Variants in WDR7 observed in about 807,000 individuals in gnomAD.
WDR7 encodes WD repeat-containing protein 7.
Under a neutral mutation model 169.4 loss-of-function variants are expected in WDR7, and 46 were observed. The observed-to-expected ratio is 0.27, with a 90% CI of 0.21 to 0.35. WDR7 has a LOEUF of 0.35. WDR7 is among the 10% of genes least tolerant of loss of function. The pLI is 1.00. For missense variants in WDR7, 1,534 were observed against 1,859.3 expected, an observed-to-expected ratio of 0.83 and a Z score of 3.22; for synonymous variants, 612 against 666.8, an observed-to-expected ratio of 0.92 and a Z score of 1.27.
At chr18:57,030,179 T>C (rs556158035), downstream of WDR7, 2 of 152,314 alleles carry the variant, frequency 1.3e-5, no homozygotes, top group Non-Finnish European at 2.9e-5. Flanking sequence ...GGAGTCGAAT[T>C]TGAATCCCTC....
At position 56,830,593 on chromosome 18, in the gene WDR7, TA is replaced by T. The variant is rs2045291938; in HGVS notation, c.3304+14450del. On this transcript the variant is annotated intron_variant, in intron 20 of 27. Transcript: ENST00000254442. ...TAGATCACCTCTGGGCGCTGCACTA[TA>T]CATCTTCGATACTTGTGATACTAAG... 2.0e-5 allele frequency among the ~76,000 whole-genome samples: 3 copies of T among 152,228 alleles called. No homozygotes were observed. In the South Asian group the frequency reaches 6.2e-4, roughly 31 times the overall value.
chr18:56,834,138 A>G (rs1482750362), intron 20 of WDR7, among the ~76,000 whole-genome samples: 1 of 152,202 alleles, frequency 6.6e-6, no homozygotes, highest in Non-Finnish European at 1.5e-5. Context: ...CCCTATCCAT[A>G]GGCATTTCCC....
intron 13 of WDR7, among the ~76,000 whole-genome samples, chr18:56,724,160 A>ATT (rs112652896): frequency 1.1e-5 from 1 of 91,152 alleles, no homozygotes; most frequent in Non-Finnish European, 2.6e-5. Context: ...TCTTGATTTG[A>ATT]TTTTTTTTTT....
At chr18:56,780,072 G>A (rs72916618) in intron 18 of WDR7, among the ~76,000 whole-genome samples, 22,447 of 152,004 alleles carry the variant, frequency 0.15, 2,138 homozygotes, top group Non-Finnish European at 0.2. Context: ...TATAAAGTGG[G>A]GATAATAATA....
At chr18:56,910,302 G>A (rs897089448) in intron 21 of WDR7, among the ~76,000 whole-genome samples, 5 of 152,136 alleles carry the variant, frequency 3.3e-5, no homozygotes, top group Admixed American at 3.3e-4. Flanking sequence ...ATATATGTTA[G>A]TAGCTTCTAT....
chr18:56,885,765 C>T lies in WDR7; in HGVS notation c.3526+5600C>T, dbSNP rs572617629. On this transcript the variant is annotated intron_variant, in intron 21 of 27. Transcript: ENST00000254442. Reference sequence around the variant, plus strand: ...TGGCATGAACCCAGGAGGCGGAGTTCGCAGTGAGCCGAGATCACGCCACTG... The same window carrying T: ...TGGCATGAACCCAGGAGGCGGAGTTTGCAGTGAGCCGAGATCACGCCACTG... Among the ~76,000 whole-genome samples the T allele has an allele frequency of 1.2e-4, 18 of 150,058 alleles. 1 individual carries two copies. In the South Asian group the frequency reaches 3.4e-3, roughly 28 times the overall value.
At chr18:56,816,222 G>A in intron 20 of WDR7, 78 bp downstream of exon 20, 1 of 1,289,100 alleles carries the variant, frequency 7.8e-7, no homozygotes, top group Non-Finnish European at 1.1e-6. Context: ...TTTGTGGTGG[G>A]ATTAAGTATT....
rs537411345 is a variant in WDR7 at position 56,776,991 on chromosome 18, A to G, written c.2947+111A>G. On this transcript the variant is annotated intron_variant, in intron 17 of 27. Transcript: ENST00000254442. ...TCTGCTTTGTTATGTATGAGATTCT[A>G]AAGTTCCCATTTTATGACTTTATTT... 1.2e-4 allele frequency: 128 copies of G among 1,037,996 alleles called. No individual in the cohort carries two copies. The South Asian group carries it at 1.3e-3, about 10-fold the overall frequency. 64.3% of individuals were successfully genotyped at this position (1,037,996 alleles called of 1,614,324 possible). A position where few individuals can be genotyped will look rare whatever the true frequency, so the allele number is the denominator to read the frequency against.
chr18:56,966,131 G>A (rs2047405156), intron 26 of WDR7, among the ~76,000 whole-genome samples: 2 of 152,144 alleles, frequency 1.3e-5, no homozygotes, highest in African/African-American at 4.8e-5. Flanking sequence ...GTGAGGGAGA[G>A]ACTCCAGCTC....
rs1185387727 is a variant in WDR7 at position 56,691,315 on chromosome 18, A to AT, written c.820dup (p.Trp274LeufsTer20). 1 of 1,602,628 alleles carries AT rather than the reference A, an allele frequency of 6.2e-7. No individual in the cohort carries two copies. Among genetic ancestry groups the AT allele is most frequent in the Non-Finnish European group, 8.5e-7 (1 of 1,177,772 alleles). On this transcript the variant is annotated frameshift_variant, in exon 8 of 28. Transcript: ENST00000254442. LOFTEE classifies it high-confidence loss of function. ...CTTTGTCTCATCAGATAAAGTCATC[A>AT]TTTGGACAGAAAATGGGCAAAGTTA...
chr18:56,830,623 G>A (rs971544818), intron 20 of WDR7, among the ~76,000 whole-genome samples: 2 of 152,224 alleles, frequency 1.3e-5, no homozygotes, highest in African/African-American at 2.4e-5. Flanking sequence ...TACTAAGGGT[G>A]TCTGACTCAC....
chr18:56,761,285 CA>C (rs1212835421), intron 16 of WDR7, among the ~76,000 whole-genome samples: 2 of 152,188 alleles, frequency 1.3e-5, no homozygotes, highest in Non-Finnish European at 2.9e-5. Flanking sequence ...GCTGGAATTA[CA>C]GGCATCAACC....
At chr18:56,963,803 G>A (rs1409422516) in intron 26 of WDR7, among the ~76,000 whole-genome samples, 2 of 151,980 alleles carry the variant, frequency 1.3e-5, no homozygotes, top group African/African-American at 2.4e-5. Flanking sequence ...TTATTTATAA[G>A]ATCCTTTCAT....
At chr18:56,780,529 A>C (rs1313217527) in intron 18 of WDR7, among the ~76,000 whole-genome samples, 1 of 152,146 alleles carries the variant, frequency 6.6e-6, no homozygotes, top group Non-Finnish European at 1.5e-5. Context: ...AATTATAAAG[A>C]GTTAATAGGC....
chr18:56,885,848 A>G (rs919163448), intron 21 of WDR7, among the ~76,000 whole-genome samples: 4 of 151,672 alleles, frequency 2.6e-5, no homozygotes, highest in African/African-American at 9.7e-5. Flanking sequence ...AAAACAAAAA[A>G]CTTCAGAACT....
intron 23 of WDR7, among the ~76,000 whole-genome samples, chr18:56,937,309 T>C (rs2046973724): frequency 6.6e-6 from 1 of 152,114 alleles, no homozygotes; most frequent in African/African-American, 2.4e-5. Context: ...GGAGGATGGC[T>C]TAAGCCTAGG....
At chr18:57,009,739 T>C (rs2048112153) in intron 26 of WDR7, 2 of 618,554 alleles carry the variant, frequency 3.2e-6, no homozygotes, top group Non-Finnish European at 4.0e-6. Flanking sequence ...CATTTCTCTT[T>C]TCAGAATGGT....
At chr18:56,925,728 A>G (rs1466322189) in intron 22 of WDR7, among the ~76,000 whole-genome samples, 2 of 152,204 alleles carry the variant, frequency 1.3e-5, no homozygotes, top group Non-Finnish European at 2.9e-5. Context: ...CTTTGTCTAC[A>G]GATTGGGCAT....
intron 21 of WDR7, among the ~76,000 whole-genome samples, chr18:56,905,804 A>G (rs1345780177): frequency 6.6e-6 from 1 of 152,158 alleles, no homozygotes; most frequent in Non-Finnish European, 1.5e-5. Flanking sequence ...TGAAATAGGA[A>G]CCTATCAAAT....
Sources: allele counts gnomAD v4.1 joint callset (sites outside exome capture counted in the v4.1 genomes callset), GRCh38; gene constraint gnomAD v4.1.1; transcripts MANE v1.5; gene names NCBI Gene and HGNC (gene_info 2026-07-23, HGNC 2026-07-21).